Variants in CYFIP1 observed in about 807,000 individuals in gnomAD.
CYFIP1 encodes cytoplasmic FMR1 interacting protein 1.
In CYFIP1, 58 loss-of-function variants were observed where a neutral mutation model predicts 163.5. The ratio of observed to expected loss-of-function variants is 0.35; its 90% CI spans 0.29 to 0.44. CYFIP1 has a LOEUF of 0.44. CYFIP1 is among the 20% of genes least tolerant of loss of function. CYFIP1 has a pLI of 1.00. For synonymous variants in CYFIP1, 663 were observed against 660.7 expected (o/e 1.00, Z -0.05); for missense variants, 1,338 against 1,653.8 (o/e 0.81, Z 3.31).
rs562787900 is a variant in CYFIP1 at position 22,868,719 on chromosome 15, A to G, written c.*1309T>C. The G allele has an allele frequency of 6.6e-6, 1 of 152,344 alleles. No individual in the cohort carries two copies. The highest frequency in any genetic ancestry group is 2.4e-5 in the African/African-American group (1 of 41,566). 9.4% of individuals were successfully genotyped at this position (152,344 alleles called of 1,614,324 possible). Reference sequence around the variant, plus strand: ...TGCCGTGCATCATATGCTTCTGGACAGTTTCCAAAGGCCTCCGGAAAAGTA... The same window carrying G: ...TGCCGTGCATCATATGCTTCTGGACGGTTTCCAAAGGCCTCCGGAAAAGTA... On this transcript the variant is annotated 3_prime_UTR_variant, in exon 31 of 31. Transcript: ENST00000617928.
chr15:22,977,957 A>G (rs897335395), intron 1 of CYFIP1, among the ~76,000 whole-genome samples: 5 of 152,200 alleles, frequency 3.3e-5, no homozygotes, highest in Non-Finnish European at 7.3e-5. Context: ...GCACAAAGAT[A>G]CAGACACAAG....
intron 1 of CYFIP1, among the ~76,000 whole-genome samples, chr15:22,950,344 G>A (rs2062206354): frequency 6.6e-6 from 1 of 152,182 alleles, no homozygotes; most frequent in Non-Finnish European, 1.5e-5. Flanking sequence ...GGAAGCTGGG[G>A]TGGCTTTGTC....
At chr15:22,977,051 T>C (rs2063304907) in intron 1 of CYFIP1, among the ~76,000 whole-genome samples, 1 of 151,864 alleles carries the variant, frequency 6.6e-6, no homozygotes, top group Non-Finnish European at 1.5e-5. Context: ...AACACAAAAT[T>C]AGCCAGACAT....
chr15:22,918,728 C>T lies in CYFIP1; in HGVS notation c.1490G>A (p.Arg497Gln), dbSNP rs1351179231. 1.9e-6 allele frequency: 3 copies of T among 1,609,926 alleles called. No homozygotes were observed. Among genetic ancestry groups the T allele is most frequent in the African/African-American group, 1.3e-5 (1 of 74,858 alleles). Residue 497 changes from arginine (R) to glutamine (Q), a missense_variant, in exon 14 of 31, where the codon CGG becomes CAG. Physicochemically the swap from Arg to Gln is conservative, Grantham distance 43. Around this residue, in one of 4 missense-constraint regions of CYFIP1, gnomAD observed 824 missense variants for 995.7 expected, o/e 0.83. Transcript: ENST00000617928. ...GTTCTTCTTCTTCTTGATGGCCTGC[C>T]GCAGCGGCTCCCTAAGGGTCACCTG... ...FSQVTLREPL[R>Q]QAIKKKKNVI...
At chr15:22,874,808 T>C (rs1220945438) in intron 27 of CYFIP1, among the ~76,000 whole-genome samples, 164 bp from the exon 28 acceptor site, 10 of 152,200 alleles carry the variant, frequency 6.6e-5, no homozygotes, top group Non-Finnish European at 1.5e-4. Flanking sequence ...ATATTTTAAT[T>C]CAAACCGGCA....
intron 3 of CYFIP1, 178 bp downstream of exon 3, chr15:22,946,825 A>T (rs1231702341): frequency 2.8e-6 from 2 of 717,614 alleles, no homozygotes; most frequent in Admixed American, 2.0e-5. Flanking sequence ...CAGAACCAGC[A>T]TGTATTGTTT....
Position 22,881,941 on chromosome 15 carries a change from C to T in CYFIP1, c.2821-5G>A, listed in dbSNP as rs774459842. 4.3e-6 allele frequency: 7 copies of T among 1,611,234 alleles called. No individual in the cohort carries two copies. The highest frequency in any genetic ancestry group is 5.1e-6 in the Non-Finnish European group (6 of 1,179,750). The stretch of plus-strand genomic sequence containing the variant: ...CTGCAGGATTGTGCCTTGCAGCTGC[C>T]GGGGAGATGAGACGGGCTGCGTCAG... On this transcript the variant is annotated splice_polypyrimidine_tract_variant and splice_region_variant and intron_variant, in intron 24 of 30. Coordinates refer to ENST00000617928, the MANE Select transcript of CYFIP1 (RefSeq NM_014608.6).
intron 18 of CYFIP1, 139 bp from the exon 19 acceptor site, chr15:22,910,952 C>T: frequency 2.7e-6 from 2 of 731,608 alleles, no homozygotes; most frequent in South Asian, 1.8e-5. Flanking sequence ...CTCTGTTGCC[C>T]AGGCTGGAGC....
chr15:22,872,684 T>G, intron 30 of CYFIP1, 141 bp downstream of exon 30: 2 of 766,442 alleles, frequency 2.6e-6, no homozygotes, highest in Non-Finnish European at 4.1e-6. Flanking sequence ...TAGATTCATT[T>G]TGGGAACGAA....
intron 22 of CYFIP1, among the ~76,000 whole-genome samples, chr15:22,898,830 C>T (rs1032485943): frequency 9.9e-5 from 15 of 151,862 alleles, no homozygotes; most frequent in Admixed American, 7.9e-4. Context: ...GGTGAAACCC[C>T]GTCTCTACTA....
intron 22 of CYFIP1, among the ~76,000 whole-genome samples, chr15:22,899,149 T>C (rs74331452): frequency 1.3e-5 from 2 of 152,086 alleles, no homozygotes; most frequent in East Asian, 3.8e-4. Context: ...GGATTAGCAA[T>C]TCTGAAACTA....
chr15:22,933,486 T>C (rs985740960), intron 10 of CYFIP1, among the ~76,000 whole-genome samples: 1 of 151,780 alleles, frequency 6.6e-6, no homozygotes, highest in Non-Finnish European at 1.5e-5. Context: ...GGCTAATTTT[T>C]TCTATTTTTA....
intron 21 of CYFIP1, chr15:22,904,332 C>G: frequency 3.9e-6 from 1 of 253,342 alleles, no homozygotes; most frequent in Non-Finnish European, 7.8e-6. Flanking sequence ...GTGTGGGTGG[C>G]AGGGCAGGTG....
intron 1 of CYFIP1, among the ~76,000 whole-genome samples, chr15:22,966,484 G>A (rs2062913628): frequency 6.6e-6 from 1 of 151,994 alleles, no homozygotes; most frequent in Admixed American, 6.6e-5. Context: ...AGGCCACAGA[G>A]GGAACCAACC....
chr15:22,928,078 T>C, intron 11 of CYFIP1, 50 bp from the exon 12 acceptor site: 2 of 1,431,002 alleles, frequency 1.4e-6, no homozygotes, highest in East Asian at 2.8e-5. Context: ...CCCACCCAGC[T>C]CCCCCCATCC....
intron 22 of CYFIP1, among the ~76,000 whole-genome samples, chr15:22,902,504 C>A (rs762383945): frequency 2.0e-5 from 3 of 152,226 alleles, no homozygotes; most frequent in Non-Finnish European, 4.4e-5. Context: ...TCCATGATTT[C>A]CCATTTTTCT....
chr15:22,930,345 C>T (rs140933432), intron 11 of CYFIP1, among the ~76,000 whole-genome samples: 21 of 146,522 alleles, frequency 1.4e-4, no homozygotes, highest in African/African-American at 5.2e-4. Flanking sequence ...GAGATTGCAC[C>T]ACTGCACTCC....
At chr15:22,904,106 C>A (rs1432861651) in intron 21 of CYFIP1, 8 of 610,418 alleles carry the variant, frequency 1.3e-5, no homozygotes, top group Non-Finnish European at 2.0e-5. Flanking sequence ...TGGGTCATGC[C>A]TTTCTCCACT....
At chr15:22,925,830 G>A (rs984485104) in intron 13 of CYFIP1, 152 bp downstream of exon 13, 12 of 1,184,522 alleles carry the variant, frequency 1.0e-5, no homozygotes, top group East Asian at 2.5e-5. Flanking sequence ...TCTCTAATGC[G>A]TTCTACTCTG....
Sources: allele counts gnomAD v4.1 joint callset (sites outside exome capture counted in the v4.1 genomes callset), GRCh38; gene constraint gnomAD v4.1.1; regional missense constraint gnomAD v4.1.1; transcripts MANE v1.5; gene names NCBI Gene and HGNC (gene_info 2026-07-23, HGNC 2026-07-21).